MTHFD1L: variants seen among roughly 807,000 people sequenced by gnomAD.
The protein encoded by MTHFD1L is methylenetetrahydrofolate dehydrogenase (NADP+ dependent) 1 like, also known as monofunctional C1-tetrahydrofolate synthase, mitochondrial.
A neutral mutation model predicts 119.5 loss-of-function variants in MTHFD1L; 81 were observed. The observed-to-expected ratio is 0.68, with a 90% CI of 0.57 to 0.82. The LOEUF (loss-of-function observed/expected upper bound fraction) is 0.82. Ranked by LOEUF, MTHFD1L falls within the 40% of genes least tolerant of loss-of-function variation. The probability of loss-of-function intolerance (pLI) is 0.00; values close to 1 mark genes in which losing one functional copy is unlikely to be tolerated. For synonymous variants in MTHFD1L, 430 were observed against 475.2 expected, an observed-to-expected ratio of 0.90 and a Z score of 1.24; for missense variants, 1,125 against 1,253.4, an observed-to-expected ratio of 0.90 and a Z score of 1.55.
intron 26 of MTHFD1L, among the ~76,000 whole-genome samples, chr6:151,052,720 A>G (rs539514671): frequency 6.6e-4 from 100 of 152,334 alleles, no homozygotes; most frequent in African/African-American, 2.3e-3. Flanking sequence ...CACCATTACT[A>G]GCAGCCTGTG....
intron 24 of MTHFD1L, among the ~76,000 whole-genome samples, chr6:151,016,250 T>C (rs1229272476): frequency 6.6e-6 from 1 of 152,168 alleles, no homozygotes; most frequent in Non-Finnish European, 1.5e-5. Flanking sequence ...ATTTGACAGC[T>C]GACGCTTTCA....
chr6:150,923,330 G>A (rs1789322325), intron 10 of MTHFD1L, among the ~76,000 whole-genome samples: 1 of 151,954 alleles, frequency 6.6e-6, no homozygotes, highest in African/African-American at 2.4e-5. Context: ...GTCTGAATCA[G>A]ACAGCTGCAT....
chr6:150,907,453 A>G (rs1026063165), intron 8 of MTHFD1L, among the ~76,000 whole-genome samples: 1 of 152,218 alleles, frequency 6.6e-6, no homozygotes, highest in Admixed American at 6.5e-5. Flanking sequence ...TCAGAAGTTG[A>G]AAATATCATT....
At chr6:150,969,972 A>G (rs949320583) in intron 19 of MTHFD1L, among the ~76,000 whole-genome samples, 9 of 152,152 alleles carry the variant, frequency 5.9e-5, no homozygotes, top group African/African-American at 9.7e-5. Flanking sequence ...CCCTGATCCT[A>G]TGTTGTCACT....
intron 1 of MTHFD1L, among the ~76,000 whole-genome samples, chr6:150,869,046 G>C (rs1261820629): frequency 6.6e-6 from 1 of 152,236 alleles, no homozygotes; most frequent in Non-Finnish European, 1.5e-5. Context: ...GGGCAATGGA[G>C]TGAGACCTTA....
At position 150,905,180 on chromosome 6, in the gene MTHFD1L, C is replaced by T. The variant is rs1219536489; in HGVS notation, c.781-470C>T. Among the ~76,000 whole-genome samples, 3 of 151,748 alleles carry T rather than the reference C, an allele frequency of 2.0e-5. No individual in the cohort carries two copies. In the East Asian group the frequency reaches 5.8e-4, roughly 30 times the overall value. ...TCCTGAGTAGCTGAGATTACAGGCC[C>T]CCACCAGCACGCCTGGCTAATTTTT... is the stretch of plus-strand genomic sequence containing the variant. On this transcript the variant is annotated intron_variant, in intron 7 of 27. Transcript: ENST00000367321.
chr6:151,065,026 A>G (rs1791079997), intron 26 of MTHFD1L, among the ~76,000 whole-genome samples: 1 of 151,486 alleles, frequency 6.6e-6, no homozygotes, highest in Admixed American at 6.6e-5. Flanking sequence ...CTGGTCTCGA[A>G]CCCTTGACCT....
intron 20 of MTHFD1L, among the ~76,000 whole-genome samples, chr6:150,987,719 A>G (rs9397372): frequency 0.087 from 13,176 of 152,226 alleles, 1,318 homozygotes; most frequent in East Asian, 0.54. Flanking sequence ...TAGCAGCATC[A>G]TACAGCCCTG....
At chr6:150,945,709 G>A (rs1793819158) in intron 15 of MTHFD1L, among the ~76,000 whole-genome samples, 168 bp downstream of exon 15, 1 of 151,810 alleles carries the variant, frequency 6.6e-6, no homozygotes, top group Admixed American at 6.6e-5. Context: ...GCACAGTGTT[G>A]GAAGCCTGAA....
rs538426129 is a variant in MTHFD1L at position 150,868,347 on chromosome 6, T to C, written c.227+2298T>C. Among the ~76,000 whole-genome samples, 251 of 151,806 alleles carry C rather than the reference T, an allele frequency of 1.7e-3. 1 individual carries two copies. The highest frequency in any genetic ancestry group is 5.7e-3 in the African/African-American group (235 of 41,408). The stretch of plus-strand genomic sequence containing the variant: ...ACAAATGGTGGCTATTAATTTTTTT[T>C]TTTTTTTTTTGAGACGGAATCTCAC... On this transcript the variant is annotated intron_variant, in intron 1 of 27. Coordinates refer to ENST00000367321, the MANE Select transcript of MTHFD1L (RefSeq NM_015440.5).
rs138737617 is a variant in MTHFD1L, at chr6:151,002,930, G to T, written c.2126-6889G>T. On this transcript the variant is annotated intron_variant, in intron 20 of 27. Transcript: ENST00000367321. ...GTCCCAGCTGTCCTGTGCATTATAG[G>T]ATATTTAGCAGCATCCTTGCTAGAT... is the stretch of plus-strand genomic sequence containing the variant. Among the ~76,000 whole-genome samples the T allele has an allele frequency of 2.1e-4, 32 of 152,252 alleles. 1 individual carries two copies. The South Asian group carries it at 4.1e-3, about 20-fold the overall frequency.
At chr6:151,025,236 G>A (rs933607260) in intron 24 of MTHFD1L, among the ~76,000 whole-genome samples, 5 of 152,226 alleles carry the variant, frequency 3.3e-5, no homozygotes, top group African/African-American at 1.2e-4. Flanking sequence ...AGCCCACAGG[G>A]CTCCATGCCC....
chr6:150,965,268 C>G (rs1225297460), intron 19 of MTHFD1L, among the ~76,000 whole-genome samples: 1 of 151,990 alleles, frequency 6.6e-6, no homozygotes, highest in African/African-American at 2.4e-5. Context: ...ATCAGAATAA[C>G]TTCTTGGCCA....
chr6:151,083,617 A>C (rs1057430011), intron 26 of MTHFD1L, among the ~76,000 whole-genome samples: 15 of 152,220 alleles, frequency 9.9e-5, no homozygotes, highest in African/African-American at 3.4e-4. Context: ...TTGTTTCACA[A>C]TTGTCTGTAT....
intron 18 of MTHFD1L, among the ~76,000 whole-genome samples, chr6:150,963,450 C>G (rs972905471): frequency 2.6e-5 from 4 of 152,184 alleles, no homozygotes; most frequent in African/African-American, 7.2e-5. Flanking sequence ...ACAGCATATA[C>G]TTCAAAACAT....
At chr6:151,025,076 C>G (rs1007602895) in intron 24 of MTHFD1L, among the ~76,000 whole-genome samples, 1 of 152,228 alleles carries the variant, frequency 6.6e-6, no homozygotes, top group African/African-American at 2.4e-5. Context: ...CTTACTATTT[C>G]ATGTGGAGAA....
chr6:151,045,179 A>G (rs1787799444), intron 26 of MTHFD1L, among the ~76,000 whole-genome samples: 3 of 152,140 alleles, frequency 2.0e-5, no homozygotes, highest in African/African-American at 7.2e-5. Flanking sequence ...CATAGGTTTA[A>G]ATCAAATGCA....
At chr6:150,907,992 G>A (rs2094201087) in intron 8 of MTHFD1L, among the ~76,000 whole-genome samples, 1 of 151,068 alleles carries the variant, frequency 6.6e-6, no homozygotes, top group African/African-American at 2.4e-5. Flanking sequence ...CCACCTTCTG[G>A]GTTCAGGTGA....
Position 150,919,222 on chromosome 6 carries a change from C to T in MTHFD1L, c.984+554C>T, listed in dbSNP as rs560401385. Among the ~76,000 whole-genome samples the T allele has an allele frequency of 5.9e-5, 9 of 151,740 alleles. No homozygotes were observed. In the South Asian group the frequency reaches 8.3e-4, roughly 14 times the overall value. On this transcript the variant is annotated intron_variant, in intron 9 of 27. Coordinates refer to ENST00000367321, the MANE Select transcript of MTHFD1L (RefSeq NM_015440.5). Reference sequence around the variant, plus strand: ...AAAGAAAACAGATTTAATTGGCTCACGGTTCTTTTTTTTCCCCTTGGGACA... The same window carrying T: ...AAAGAAAACAGATTTAATTGGCTCATGGTTCTTTTTTTTCCCCTTGGGACA...
Sources: allele counts gnomAD v4.1 joint callset (sites outside exome capture counted in the v4.1 genomes callset), GRCh38; gene constraint gnomAD v4.1.1; transcripts MANE v1.5; gene names NCBI Gene and HGNC (gene_info 2026-07-23, HGNC 2026-07-21).